The following SPAG16 variants were observed in gnomAD, a reference collection of about 807,000 sequenced individuals.
SPAG16 encodes sperm associated antigen 16.
SPAG16 carries 86 observed loss-of-function variants against 80.4 expected under a neutral mutation model. That is an observed-to-expected ratio of 1.07 (90% confidence interval 0.90 to 1.28). SPAG16 has a LOEUF of 1.28. SPAG16 is among the 50% of genes most tolerant of loss of function. The pLI, the probability that SPAG16 is intolerant of heterozygous loss-of-function variation, is 0.00. For synonymous variants in SPAG16, 294 were observed against 265.9 expected (o/e 1.11, Z -1.03); for missense variants, 870 against 765.3 (o/e 1.14, Z -1.61).
intron 10 of SPAG16, among the ~76,000 whole-genome samples, chr2:213,641,891 G>A (rs1389000525): frequency 3.3e-5 from 5 of 152,140 alleles, no homozygotes; most frequent in African/African-American, 1.2e-4. Flanking sequence ...TTCCTCACAA[G>A]GCAGCAGGAG....
chr2:213,717,505 A>G (rs1284943385), intron 10 of SPAG16, among the ~76,000 whole-genome samples: 2 of 151,984 alleles, frequency 1.3e-5, no homozygotes, highest in African/African-American at 4.8e-5. Flanking sequence ...ACCACCTGGC[A>G]ATATTTGAAA....
At chr2:213,371,450 T>G (rs1427745957) in intron 8 of SPAG16, among the ~76,000 whole-genome samples, 1 of 150,712 alleles carries the variant, frequency 6.6e-6, no homozygotes, top group Non-Finnish European at 1.5e-5. Context: ...GGTTAAGTGG[T>G]TGTTCTTCAT....
At chr2:214,034,101 T>G (rs1416442485) in intron 13 of SPAG16, among the ~76,000 whole-genome samples, 1 of 152,230 alleles carries the variant, frequency 6.6e-6, no homozygotes, top group Non-Finnish European at 1.5e-5. Context: ...GTCTCCCGAT[T>G]TGTGTTTGTC....
chr2:213,948,851 T>G (rs2079581353), intron 12 of SPAG16, among the ~76,000 whole-genome samples: 1 of 152,224 alleles, frequency 6.6e-6, no homozygotes, highest in African/African-American at 2.4e-5. Flanking sequence ...TGCCAAAGAT[T>G]GCAAACAGTT....
chr2:213,885,885 A>G (rs1011452424), intron 11 of SPAG16, among the ~76,000 whole-genome samples: 3 of 152,188 alleles, frequency 2.0e-5, no homozygotes, highest in Non-Finnish European at 2.9e-5. Flanking sequence ...AACAGCTGAG[A>G]TTCTGAATTA....
chr2:214,077,490 A>G (rs1157395896), intron 13 of SPAG16, among the ~76,000 whole-genome samples: 2 of 152,186 alleles, frequency 1.3e-5, no homozygotes, highest in Non-Finnish European at 2.9e-5. Flanking sequence ...TTTCAGATAC[A>G]TATCTTAAGG....
intron 12 of SPAG16, among the ~76,000 whole-genome samples, chr2:214,013,552 A>G (rs138770303): frequency 1.5e-3 from 230 of 152,278 alleles, no homozygotes; most frequent in African/African-American, 5.4e-3. Context: ...ATTCTAATAT[A>G]TAACCAAGTC....
intron 3 of SPAG16, among the ~76,000 whole-genome samples, chr2:213,307,100 T>C (rs1171288921): frequency 2.0e-5 from 3 of 152,186 alleles, no homozygotes; most frequent in Non-Finnish European, 4.4e-5. Flanking sequence ...TTTGTCAGGA[T>C]TTTTCTGTAG....
intron 13 of SPAG16, among the ~76,000 whole-genome samples, chr2:214,097,931 A>G (rs190771341): frequency 8.0e-4 from 122 of 152,124 alleles, no homozygotes; most frequent in African/African-American, 2.8e-3. Context: ...TGTAGATACT[A>G]TATTATTTCT....
intron 10 of SPAG16, among the ~76,000 whole-genome samples, chr2:213,710,176 C>T (rs1036945443): frequency 2.0e-5 from 3 of 151,766 alleles, no homozygotes; most frequent in South Asian, 4.2e-4. Context: ...CTCAGCTACT[C>T]GGGAGGCTGA....
At chr2:214,108,549 C>T (rs2053515471) in intron 14 of SPAG16, among the ~76,000 whole-genome samples, 1 of 151,720 alleles carries the variant, frequency 6.6e-6, no homozygotes, top group Admixed American at 6.6e-5. Flanking sequence ...TACTTAAACA[C>T]ATTTTTAAGA....
intron 1 of SPAG16, among the ~76,000 whole-genome samples, chr2:213,290,819 A>G (rs1029045916): frequency 7.2e-5 from 11 of 152,034 alleles, no homozygotes; most frequent in African/African-American, 2.7e-4. Flanking sequence ...AACCTTTTCT[A>G]CTCTGGCAAG....
intron 6 of SPAG16, among the ~76,000 whole-genome samples, chr2:213,346,336 A>G (rs1204720128): frequency 2.0e-5 from 3 of 152,198 alleles, no homozygotes; most frequent in African/African-American, 7.2e-5. Context: ...AGCAGGGACA[A>G]TTTGACTTCC....
intron 10 of SPAG16, among the ~76,000 whole-genome samples, chr2:213,860,463 A>ATATATG (rs1386657473): frequency 2.6e-4 from 20 of 77,106 alleles, no homozygotes; most frequent in Non-Finnish European, 3.9e-4. Context: ...ATATATACAG[A>ATATATG]TATATCTATC....
At chr2:213,438,519 T>C (rs939153179) in intron 9 of SPAG16, among the ~76,000 whole-genome samples, 1 of 152,248 alleles carries the variant, frequency 6.6e-6, no homozygotes, top group African/African-American at 2.4e-5. Context: ...ATGGTTACAG[T>C]ACTGACAATG....
At chr2:213,302,489 GTCT>G (rs1196436844) in intron 3 of SPAG16, 2 of 152,014 alleles carry the variant, frequency 1.3e-5, no homozygotes, top group African/African-American at 4.8e-5. Flanking sequence ...AGACAGAACT[GTCT>G]TCTTCATGTT....
rs532681053 is a variant in SPAG16, at chr2:213,393,451, T to A, written c.942+18332T>A. 7.7e-4 allele frequency among the ~76,000 whole-genome samples: 117 copies of A among 152,108 alleles called. No homozygotes were observed. The South Asian group carries it at 0.019, about 25-fold the overall frequency. On this transcript the variant is annotated intron_variant, in intron 9 of 15. Coordinates refer to ENST00000331683, the MANE Select transcript of SPAG16 (RefSeq NM_024532.5). ...ATATGTAGTCTTCAACTTGCTTTTT[T>A]GATTCGATTTTTGTTTCTAAGAGTC...
At chr2:214,276,836 C>T (rs989785631) in intron 15 of SPAG16, among the ~76,000 whole-genome samples, 4 of 152,144 alleles carry the variant, frequency 2.6e-5, no homozygotes, top group African/African-American at 2.4e-5. Context: ...CAATGTTGGC[C>T]TGCCTTACTA....
chr2:213,621,426 G>C (rs1302200171), intron 10 of SPAG16, among the ~76,000 whole-genome samples: 1 of 152,174 alleles, frequency 6.6e-6, no homozygotes, highest in Non-Finnish European at 1.5e-5. Context: ...ATTATTAAAA[G>C]AGGCTACTAT....
Sources: gnomAD v4.1 joint callset for allele counts (sites outside exome capture counted in the v4.1 genomes callset) on GRCh38, gnomAD v4.1.1 for gene constraint, MANE v1.5 for transcripts, NCBI Gene and HGNC (gene_info 2026-07-23, HGNC 2026-07-21) for gene names.